OSBPL10: variants seen among roughly 807,000 people sequenced by gnomAD.
OSBPL10 encodes oxysterol-binding protein-related protein 10.
Under a neutral mutation model 81.7 loss-of-function variants are expected in OSBPL10, and 49 were observed. That is an observed-to-expected ratio of 0.60 (90% CI 0.48 to 0.76). OSBPL10 has a LOEUF of 0.76. Among genes scored for constraint, OSBPL10 ranks in the 30% least tolerant of loss-of-function variants. The pLI, the probability that OSBPL10 is intolerant of heterozygous loss-of-function variation, is 0.00. For missense variants in OSBPL10, 923 were observed against 987.8 expected, an observed-to-expected ratio of 0.93 and a Z score of 0.88; for synonymous variants, 419 against 383.6, an observed-to-expected ratio of 1.09 and a Z score of -1.08.
chr3:31,679,913 C>A (rs1700593272), intron 8 of OSBPL10, among the ~76,000 whole-genome samples: 1 of 152,144 alleles, frequency 6.6e-6, no homozygotes, highest in Non-Finnish European at 1.5e-5. Context: ...ACAGGGGAGT[C>A]CTTGGCAATC....
chr3:31,892,339 G>A (rs1190567195), intron 1 of OSBPL10, among the ~76,000 whole-genome samples: 4 of 152,248 alleles, frequency 2.6e-5, no homozygotes, highest in African/African-American at 7.2e-5. Flanking sequence ...AAGGCGTGGC[G>A]GGACTTTATC....
intron 8 of OSBPL10, among the ~76,000 whole-genome samples, chr3:31,674,933 A>G (rs1248661342): frequency 1.3e-5 from 2 of 152,208 alleles, no homozygotes; most frequent in African/African-American, 2.4e-5. Flanking sequence ...CATGTTTCAG[A>G]TAGGCTGGGC....
chr3:31,708,123 G>A (rs1472355731), intron 6 of OSBPL10, among the ~76,000 whole-genome samples: 1 of 152,102 alleles, frequency 6.6e-6, no homozygotes, highest in Non-Finnish European at 1.5e-5. Flanking sequence ...TTAAATTAGA[G>A]ACAGGGTCTT....
chr3:31,680,773 C>T (rs866433841), intron 8 of OSBPL10, among the ~76,000 whole-genome samples: 3 of 152,118 alleles, frequency 2.0e-5, no homozygotes, highest in Admixed American at 6.5e-5. Context: ...AACCCTGGAG[C>T]ATATGGTGGA....
intron 1 of OSBPL10, among the ~76,000 whole-genome samples, chr3:32,074,678 C>T (rs986782809): frequency 1.3e-5 from 2 of 152,132 alleles, no homozygotes; most frequent in Non-Finnish European, 2.9e-5. Context: ...TACTTGTAGA[C>T]ACTATGCACT....
At chr3:31,758,275 AAT>A (rs1697943134) in intron 4 of OSBPL10, among the ~76,000 whole-genome samples, 1 of 152,154 alleles carries the variant, frequency 6.6e-6, no homozygotes, top group African/African-American at 2.4e-5. Context: ...TTCTGTTGTT[AAT>A]CTGTCTTTTG....
chr3:31,862,820 G>GATGT (rs1168762105), intron 3 of OSBPL10, among the ~76,000 whole-genome samples: 1 of 152,154 alleles, frequency 6.6e-6, no homozygotes, highest in African/African-American at 2.4e-5. Context: ...TGCTGATAGG[G>GATGT]ATGTAAAATG....
chr3:31,702,604 C>T (rs1695934535), intron 6 of OSBPL10, 96 bp from the exon 7 acceptor site: 1 of 1,506,178 alleles, frequency 6.6e-7, no homozygotes, highest in Non-Finnish European at 9.0e-7. Context: ...CAGAAGAAAC[C>T]CAATCCTGTC....
chr3:31,816,180 G>A (rs918376556), intron 4 of OSBPL10, among the ~76,000 whole-genome samples: 4 of 152,198 alleles, frequency 2.6e-5, no homozygotes, highest in African/African-American at 4.8e-5. Flanking sequence ...AGCCCAGAGC[G>A]GGTAGGTCTA....
intron 3 of OSBPL10, among the ~76,000 whole-genome samples, chr3:31,863,072 A>G (rs1464661317): frequency 1.3e-5 from 2 of 152,262 alleles, no homozygotes; most frequent in Admixed American, 6.5e-5. Flanking sequence ...ACAACGGGAT[A>G]TTAGTCATAA....
intron 2 of OSBPL10, among the ~76,000 whole-genome samples, chr3:32,039,360 TAAA>T (rs36117908): frequency 1.4e-5 from 2 of 145,192 alleles, no homozygotes; most frequent in African/African-American, 5.3e-5. Context: ...ATTAGTTAAT[TAAA>T]AAAAAAAAGA....
At chr3:31,676,963 A>C (rs1369496175) in intron 8 of OSBPL10, among the ~76,000 whole-genome samples, 1 of 152,216 alleles carries the variant, frequency 6.6e-6, no homozygotes, top group African/African-American at 2.4e-5. Context: ...GAGTGAATTC[A>C]GGGCATAATG....
At chr3:31,866,885 C>T (rs4452359) in intron 3 of OSBPL10, among the ~76,000 whole-genome samples, 37,852 of 152,000 alleles carry the variant, frequency 0.25, 4,872 homozygotes, top group Non-Finnish European at 0.29. Context: ...CCAGCATGAA[C>T]ATTAATATAT....
chr3:31,767,210 G>T (rs934683459), intron 4 of OSBPL10, among the ~76,000 whole-genome samples: 4 of 152,148 alleles, frequency 2.6e-5, no homozygotes, highest in African/African-American at 7.2e-5. Flanking sequence ...GAGCCCTCTT[G>T]TGTTTTGCTC....
At chr3:31,712,402 G>C (rs920539846) in intron 6 of OSBPL10, among the ~76,000 whole-genome samples, 1 of 152,170 alleles carries the variant, frequency 6.6e-6, no homozygotes. Flanking sequence ...ATGTGATTAC[G>C]TTAAGGACCT....
chr3:31,823,626 GAATA>G (rs1250396249), intron 4 of OSBPL10, among the ~76,000 whole-genome samples: 1 of 152,068 alleles, frequency 6.6e-6, no homozygotes, highest in Non-Finnish European at 1.5e-5. Context: ...GAAATAGGTA[GAATA>G]AATTCTAAAA....
chr3:31,843,491 T>G (rs1700553484), intron 3 of OSBPL10, among the ~76,000 whole-genome samples: 1 of 152,234 alleles, frequency 6.6e-6, no homozygotes, highest in Non-Finnish European at 1.5e-5. Flanking sequence ...ATGACATTCC[T>G]GCACCCAAGC....
At chr3:31,999,463 C>T (rs1017745195) in intron 2 of OSBPL10, among the ~76,000 whole-genome samples, 2 of 149,636 alleles carry the variant, frequency 1.3e-5, no homozygotes, top group Non-Finnish European at 2.9e-5. Context: ...TGGGTTCAAG[C>T]GATTCTTCTG....
At chr3:31,931,039 A>C (rs75786036) in intron 1 of OSBPL10, among the ~76,000 whole-genome samples, 3 of 140,292 alleles carry the variant, frequency 2.1e-5, no homozygotes, top group African/African-American at 7.8e-5. Flanking sequence ...AAAAAAAAAA[A>C]AAGATAGTAA....
Sources: allele counts gnomAD v4.1 joint callset (sites outside exome capture counted in the v4.1 genomes callset), GRCh38; gene constraint gnomAD v4.1.1; transcripts MANE v1.5; gene names NCBI Gene and HGNC (gene_info 2026-07-23, HGNC 2026-07-21).